Variants in NINJ2 observed in about 807,000 individuals in gnomAD.
The protein encoded by NINJ2 is ninjurin 2.
NINJ2 carries 12 observed loss-of-function variants against 11.7 expected under a neutral mutation model. The observed-to-expected ratio is 1.02, with a 90% CI of 0.66 to 1.66. The LOEUF (loss-of-function observed/expected upper bound fraction) is 1.66. NINJ2 is among the 40% of genes most tolerant of loss of function. NINJ2 has a pLI of 0.00. For missense variants in NINJ2, 187 were observed against 181.8 expected, an observed-to-expected ratio of 1.03 and a Z score of -0.16; for synonymous variants, 93 against 76.8, an observed-to-expected ratio of 1.21 and a Z score of -1.10.
intron 1 of NINJ2, among the ~76,000 whole-genome samples, chr12:648,941 CTCAT>C (rs1156600691): frequency 6.6e-6 from 1 of 151,472 alleles, no homozygotes; most frequent in African/African-American, 2.4e-5. Context: ...TCCTTTGCAG[CTCAT>C]TCAATGACTA....
intron 1 of NINJ2, among the ~76,000 whole-genome samples, chr12:630,630 G>GC (rs1948268348): frequency 6.6e-6 from 1 of 152,172 alleles, no homozygotes; most frequent in African/African-American, 2.4e-5. Flanking sequence ...GCCCGCCTCG[G>GC]CCCCCCAAAA....
intron 1 of NINJ2, among the ~76,000 whole-genome samples, chr12:638,414 G>GTTTT (rs1276961499): frequency 1.7e-5 from 1 of 57,850 alleles, no homozygotes. Flanking sequence ...CTGACATTTA[G>GTTTT]TTTTTTGTTT....
chr12:629,916 T>TATATATACATAC (rs147102413), intron 1 of NINJ2, among the ~76,000 whole-genome samples: 1 of 72,964 alleles, frequency 1.4e-5, no homozygotes, highest in Non-Finnish European at 3.0e-5. Flanking sequence ...TATATATATA[T>TATATATACATAC]ATATATGAAG....
chr12:638,324 G>C (rs1007361100), intron 1 of NINJ2, among the ~76,000 whole-genome samples: 3 of 152,216 alleles, frequency 2.0e-5, no homozygotes, highest in African/African-American at 7.2e-5. Flanking sequence ...CAGGCCCATC[G>C]CTCCAATATA....
At chr12:636,542 ACAACT>A (rs1948354472) in intron 1 of NINJ2, among the ~76,000 whole-genome samples, 1 of 152,222 alleles carries the variant, frequency 6.6e-6, no homozygotes, top group African/African-American at 2.4e-5. Flanking sequence ...AGAAAACCAA[ACAACT>A]CAATTCAAAA....
At chr12:579,440 T>A (rs1475211766) in intron 1 of NINJ2, among the ~76,000 whole-genome samples, 1 of 152,014 alleles carries the variant, frequency 6.6e-6, no homozygotes, top group East Asian at 1.9e-4. Flanking sequence ...GACCCCCAAA[T>A]TCACCATGAT....
Position 566,171 on chromosome 12 carries a change from C to G in NINJ2, c.41G>C (p.Ser14Thr), listed in dbSNP as rs554007247. ...GATGGGCTGGCTCCTGGGGTCGGAG[C>G]TTCCAGGCTGTAGGGGAGAAAGCAC... Reference protein sequence around the residue: ...ARENIDLQPGSSDPRSQPINL... With the variant: ...ARENIDLQPGTSDPRSQPINL... The change falls in exon 2 of 4, where the codon AGC (serine) becomes ACC (threonine). Residue 14 changes from serine to threonine, a missense_variant. Ser to Thr is a moderately conservative substitution (Grantham distance 58). Transcript: ENST00000305108. 2 of 1,613,212 alleles carry G rather than the reference C, an allele frequency of 1.2e-6. No individual in the cohort carries two copies. Among genetic ancestry groups the G allele is most frequent in the East Asian group, 4.5e-5 (2 of 44,870 alleles).
chr12:584,047 G>A (rs746355480), intron 1 of NINJ2, among the ~76,000 whole-genome samples: 21 of 144,882 alleles, frequency 1.4e-4, no homozygotes, highest in Non-Finnish European at 2.7e-4. Context: ...TTTCTTCAAT[G>A]AACATTTGGA....
chr12:599,644 C>T (rs1001422920), intron 1 of NINJ2, among the ~76,000 whole-genome samples: 1 of 152,188 alleles, frequency 6.6e-6, no homozygotes, highest in South Asian at 2.1e-4. Flanking sequence ...CACCCATGTT[C>T]GTGGCTTCAT....
chr12:658,646 T>TTATGC lies in NINJ2; in HGVS notation c.33+4677_33+4681dup, dbSNP rs141722591. Among the ~76,000 whole-genome samples the TTATGC allele has an allele frequency of 1.6e-3, 203 of 130,852 alleles. 10 individuals carry two copies. Among genetic ancestry groups the TTATGC allele is most frequent in the East Asian group, 3.9e-3 (17 of 4,396 alleles). 85.8% of individuals were successfully genotyped at this position (130,852 alleles called of 152,430 possible). ...TTTTTAGGGCAGTGAAACTTCTCTATTATGCTATGCTATGCTATGCTATGC... is the reference window on the plus strand; with the variant it reads ...TTTTTAGGGCAGTGAAACTTCTCTATTATGCTATGCTATGCTATGCTATGCTATGC... On this transcript the variant is annotated intron_variant, in intron 1 of 3. Transcript: ENST00000305108.
chr12:663,181 CA>C, intron 1 of NINJ2, 146 bp downstream of exon 1: 1 of 687,158 alleles, frequency 1.5e-6, no homozygotes, highest in South Asian at 1.9e-5. Context: ...AATAAAGAGA[CA>C]AAGCCTAGGG....
At chr12:657,898 C>T (rs1937893992) in intron 1 of NINJ2, among the ~76,000 whole-genome samples, 1 of 151,144 alleles carries the variant, frequency 6.6e-6, no homozygotes, top group South Asian at 2.1e-4. Context: ...CAAAACTCAA[C>T]ACACTCTTAC....
Position 663,389 on chromosome 12 carries a change from ACCGGGTG to A in NINJ2, c.-36_-30del. 6.2e-7 allele frequency: 1 copy of A among 1,613,958 alleles called. No individual in the cohort carries two copies. Among genetic ancestry groups the A allele is most frequent in the South Asian group, 1.1e-5 (1 of 91,062 alleles). On this transcript the variant is annotated 5_prime_UTR_variant, in exon 1 of 4. Transcript: ENST00000305108. ...GCTGCCCTCAAGTCCCTTCACACGC[ACCGGGTG>A]CCGGGAACAGACTGCGTGGGCTCCT... is the stretch of plus-strand genomic sequence containing the variant.
chr12:569,737 C>A (rs1472838895), intron 1 of NINJ2, among the ~76,000 whole-genome samples: 1 of 152,244 alleles, frequency 6.6e-6, no homozygotes, highest in African/African-American at 2.4e-5. Context: ...TAAGTTTTAA[C>A]AGAGCTGGTT....
At chr12:604,338 C>T (rs905728343) in intron 1 of NINJ2, among the ~76,000 whole-genome samples, 1 of 152,064 alleles carries the variant, frequency 6.6e-6, no homozygotes, top group African/African-American at 2.4e-5. Context: ...CTTGGCCGAG[C>T]AATAGAGGCC....
chr12:613,938 T>TA (rs1565636018), intron 1 of NINJ2, among the ~76,000 whole-genome samples: 31 of 151,704 alleles, frequency 2.0e-4, no homozygotes, highest in African/African-American at 5.1e-4. Flanking sequence ...ATAAATAAAT[T>TA]AATTAATTAA....
intron 1 of NINJ2, among the ~76,000 whole-genome samples, chr12:648,984 A>ATCTGTCTATCTG (rs1555167417): frequency 9.1e-5 from 3 of 32,904 alleles, no homozygotes; most frequent in Admixed American, 3.9e-4. Context: ...CCACCTATCT[A>ATCTGTCTATCTG]TCTATCTATC....
At chr12:658,796 A>C (rs1245439722) in intron 1 of NINJ2, among the ~76,000 whole-genome samples, 1 of 152,120 alleles carries the variant, frequency 6.6e-6, no homozygotes, top group Non-Finnish European at 1.5e-5. Flanking sequence ...TAGAATGTTT[A>C]ACACCAAGAG....
intron 1 of NINJ2, among the ~76,000 whole-genome samples, chr12:570,598 C>A (rs1017457580): frequency 6.6e-6 from 1 of 152,216 alleles, no homozygotes; most frequent in African/African-American, 2.4e-5. Context: ...GTGGGCTGGA[C>A]TGGGGAGCAG....
Sources: gnomAD v4.1 joint callset for allele counts (sites outside exome capture counted in the v4.1 genomes callset) on GRCh38, gnomAD v4.1.1 for gene constraint, MANE v1.5 for transcripts, NCBI Gene and HGNC (gene_info 2026-07-23, HGNC 2026-07-21) for gene names.